The following C3orf52 variants were observed in gnomAD, a reference collection of about 807,000 sequenced individuals.
The protein encoded by C3orf52 is TPA-induced transmembrane protein.
A neutral mutation model predicts 24.8 loss-of-function variants in C3orf52; 22 were observed. The observed-to-expected ratio is 0.89, with a 90% CI of 0.63 to 1.27. C3orf52 has a LOEUF of 1.27. C3orf52 is among the 50% of genes most tolerant of loss of function. C3orf52 has a pLI of 0.00. For synonymous variants in C3orf52, 93 were observed against 100.2 expected, an observed-to-expected ratio of 0.93 and a Z score of 0.43; for missense variants, 265 against 260.7, an observed-to-expected ratio of 1.02 and a Z score of -0.11.
At chr3:112,100,332 C>T (rs1193431857) in intron 2 of C3orf52, among the ~76,000 whole-genome samples, 1 of 152,202 alleles carries the variant, frequency 6.6e-6, no homozygotes, top group African/African-American at 2.4e-5. Context: ...CTTCAACATA[C>T]AACACATGTT....
downstream of C3orf52, chr3:112,129,154 A>G (rs1201613207): frequency 6.6e-6 from 1 of 152,194 alleles, no homozygotes; most frequent in Non-Finnish European, 1.5e-5. Context: ...TGCTTACATT[A>G]TCTGCTTTGT....
chr3:112,100,043 T>C (rs1296917206), intron 2 of C3orf52, among the ~76,000 whole-genome samples: 1 of 152,214 alleles, frequency 6.6e-6, no homozygotes, highest in Non-Finnish European at 1.5e-5. Flanking sequence ...GTTTCTACTA[T>C]CCTGGGCTTT....
chr3:112,135,163 G>A (rs548402252), downstream of C3orf52: 1 of 154,112 alleles, frequency 6.5e-6, no homozygotes, highest in Non-Finnish European at 1.5e-5. Flanking sequence ...CTCGGGACAG[G>A]AATCATGGAT....
intron 2 of C3orf52, among the ~76,000 whole-genome samples, chr3:112,094,905 A>G (rs1335418378): frequency 1.3e-5 from 2 of 152,224 alleles, no homozygotes; most frequent in Non-Finnish European, 2.9e-5. Flanking sequence ...TTACAAACCC[A>G]GTCATAGAAT....
chr3:112,088,303 C>G (rs1220008683), intron 1 of C3orf52, among the ~76,000 whole-genome samples: 2 of 152,192 alleles, frequency 1.3e-5, no homozygotes, highest in Non-Finnish European at 2.9e-5. Context: ...TTAGAAAAGT[C>G]AATAAATATA....
chr3:112,092,014 GAAA>G (rs5851817), intron 1 of C3orf52, among the ~76,000 whole-genome samples: 1 of 144,294 alleles, frequency 6.9e-6, no homozygotes. Flanking sequence ...AAGAAAAAAA[GAAA>G]AAAAAAAAAA....
chr3:112,104,434 C>T (rs2074006007), intron 3 of C3orf52, among the ~76,000 whole-genome samples: 1 of 152,074 alleles, frequency 6.6e-6, no homozygotes, highest in Admixed American at 6.5e-5. Context: ...AACTTCCATT[C>T]GATTTGATTC....
chr3:112,123,754 A>C lies in C3orf52; in HGVS notation c.*46+4192A>C, dbSNP rs750227000. ...AGGGTATAGCACAGCTCCTCTGAGT[A>C]GGTCTGGTCAACATTGTCCTGCTTG... is the stretch of plus-strand genomic sequence containing the variant. On this transcript the variant is annotated intron_variant, in intron 4 of 4. Coordinates refer to the C3orf52 transcript ENST00000480282. 5.0e-6 allele frequency: 8 copies of C among 1,612,862 alleles called. No homozygotes were observed. Among genetic ancestry groups the C allele is most frequent in the Non-Finnish European group, 5.9e-6 (7 of 1,179,204 alleles).
chr3:112,126,388 T>A (rs1270333939), intron 4 of C3orf52, among the ~76,000 whole-genome samples: 1 of 152,196 alleles, frequency 6.6e-6, no homozygotes, highest in Non-Finnish European at 1.5e-5. Context: ...TTTTTAGGTG[T>A]GATACAATTC....
chr3:112,111,254 C>G (rs2074079778), intron 4 of C3orf52, among the ~76,000 whole-genome samples: 1 of 152,184 alleles, frequency 6.6e-6, no homozygotes, highest in Non-Finnish European at 1.5e-5. Context: ...GGTGACATCT[C>G]TGCACTTTAT....
At chr3:112,109,694 A>G (rs1210656520) in intron 4 of C3orf52, 81 bp downstream of exon 4, 3 of 822,476 alleles carry the variant, frequency 3.6e-6, no homozygotes, top group Non-Finnish European at 2.0e-6. Context: ...TTTACCTAGC[A>G]GGGATTCCCA....
intron 3 of C3orf52, among the ~76,000 whole-genome samples, chr3:112,108,501 CAAG>C (rs2074048833): frequency 6.6e-6 from 1 of 152,096 alleles, no homozygotes; most frequent in Non-Finnish European, 1.5e-5. Flanking sequence ...CCCGCATGTC[CAAG>C]AAGAGATGCA....
At chr3:112,095,500 C>G (rs2073916946) in intron 2 of C3orf52, among the ~76,000 whole-genome samples, 1 of 152,160 alleles carries the variant, frequency 6.6e-6, no homozygotes, top group Non-Finnish European at 1.5e-5. Context: ...GTCATCTAAC[C>G]TCTTCACCTC....
In C3orf52 at chr3:112,117,216, A is replaced by C; in HGVS notation, c.*570A>C. The C allele has an allele frequency of 1.9e-6, 1 of 523,438 alleles. No individual in the cohort carries two copies. The highest frequency in any genetic ancestry group is 3.4e-6 in the Non-Finnish European group (1 of 295,748). 32.4% of individuals were successfully genotyped at this position (523,438 alleles called of 1,614,324 possible). A position where few individuals can be genotyped will look rare whatever the true frequency, so the allele number is the denominator to read the frequency against. On this transcript the variant is annotated 3_prime_UTR_variant, in exon 6 of 6. Transcript: ENST00000264848. ...TCCCCCCCACCATTCGATTTGATCT[A>C]CCTCTAAGCCAGGCTGTGAAGAAAA... is the stretch of plus-strand genomic sequence containing the variant.
At chr3:112,119,630 G>T (rs528110902), downstream of C3orf52, 12 of 630,974 alleles carry the variant, frequency 1.9e-5, no homozygotes, top group Non-Finnish European at 3.1e-5. Flanking sequence ...TTCAGAGTCT[G>T]ATCAATGCTA....
rs911218898 is a variant in C3orf52, at chr3:112,117,019, C to T, written c.*373C>T. The T allele has an allele frequency of 2.1e-5, 24 of 1,164,172 alleles. No individual in the cohort carries two copies. The highest frequency in any genetic ancestry group is 2.7e-5 in the Non-Finnish European group (22 of 829,924). The allele number at this position is 1,164,172 out of a possible 1,614,324, so 72.1% of individuals were successfully genotyped here. ...CTTAGCTGGAGTGCGGTGGCGTGAT[C>T]ATGGCACTGCTATTCTTGAAGCACT... On this transcript the variant is annotated 3_prime_UTR_variant, in exon 6 of 6. Coordinates refer to ENST00000264848, the MANE Select transcript of C3orf52 (RefSeq NM_024616.3).
chr3:112,109,946 C>T (rs901731491), intron 4 of C3orf52: 2 of 235,212 alleles, frequency 8.5e-6, no homozygotes, highest in Admixed American at 5.3e-5. Flanking sequence ...GATCTCAGGT[C>T]GTGCTGTGAT....
At chr3:112,125,904 A>AG (rs745366979) in intron 4 of C3orf52, among the ~76,000 whole-genome samples, 53 of 152,200 alleles carry the variant, frequency 3.5e-4, no homozygotes, top group Non-Finnish European at 7.3e-4. Context: ...TTCAGCAAAG[A>AG]GGCAAACTGA....
chr3:112,108,953 T>C (rs990101830), intron 3 of C3orf52, among the ~76,000 whole-genome samples: 2 of 152,204 alleles, frequency 1.3e-5, no homozygotes, highest in African/African-American at 4.8e-5. Flanking sequence ...ATAGCAAATA[T>C]GAAGACATGA....
Sources: allele counts gnomAD v4.1 joint callset (sites outside exome capture counted in the v4.1 genomes callset), GRCh38; gene constraint gnomAD v4.1.1; transcripts MANE v1.5; gene names NCBI Gene and HGNC (gene_info 2026-07-23, HGNC 2026-07-21).